The following GALNT1 variants were observed in gnomAD, a reference collection of about 807,000 sequenced individuals.
GALNT1 encodes polypeptide N-acetylgalactosaminyltransferase 1, also known as GalNAc transferase 1.
Under a neutral mutation model 65.7 loss-of-function variants are expected in GALNT1, and 17 were observed. The observed-to-expected ratio is 0.26, with a 90% CI of 0.18 to 0.39. The LOEUF (loss-of-function observed/expected upper bound fraction) is 0.39, where lower values mean the gene tolerates loss of function less well. Among genes scored for constraint, GALNT1 ranks in the 10% least tolerant of loss-of-function variants. The probability of loss-of-function intolerance (pLI) is 1.00; values close to 1 mark genes in which losing one functional copy is unlikely to be tolerated. For missense variants in GALNT1, 460 were observed against 672.8 expected, an observed-to-expected ratio of 0.68 and a Z score of 3.50; for synonymous variants, 210 against 219.7, an observed-to-expected ratio of 0.96 and a Z score of 0.39.
intron 9 of GALNT1, among the ~76,000 whole-genome samples, chr18:35,696,073 G>C (rs2048051249): frequency 6.6e-6 from 1 of 152,184 alleles, no homozygotes; most frequent in South Asian, 2.1e-4. Flanking sequence ...GCAAGTCGCA[G>C]CGTTTACCCT....
chr18:35,684,597 C>T (rs182727665), intron 5 of GALNT1, among the ~76,000 whole-genome samples: 55 of 152,290 alleles, frequency 3.6e-4, no homozygotes, highest in Middle Eastern at 6.8e-3. Context: ...GCTGAAATAG[C>T]AACCACAGTG....
At chr18:35,703,340 A>G (rs2048198867) in intron 10 of GALNT1, among the ~76,000 whole-genome samples, 169 bp from the exon 11 acceptor site, 1 of 152,202 alleles carries the variant, frequency 6.6e-6, no homozygotes, top group African/African-American at 2.4e-5. Context: ...ACATAACATC[A>G]ATGTAAATTA....
intron 1 of GALNT1, among the ~76,000 whole-genome samples, chr18:35,601,363 G>T (rs2143956871): frequency 6.6e-6 from 1 of 152,036 alleles, no homozygotes; most frequent in South Asian, 2.1e-4. Flanking sequence ...CTACCTAAGG[G>T]TTTGTTGATT....
rs190068559 is a variant in GALNT1, at chr18:35,618,240, G to A, written c.-103-36320G>A. The stretch of plus-strand genomic sequence containing the variant: ...TTTACATTAAATGTAGTCTAAACCT[G>A]TAAAATAATCTTGTATTCATTAAAA... On this transcript the variant is annotated intron_variant, in intron 1 of 11. Transcript: ENST00000269195. Among the ~76,000 whole-genome samples the A allele has an allele frequency of 5.3e-5, 8 of 152,102 alleles. No individual in the cohort carries two copies. In the East Asian group the frequency reaches 1.5e-3, roughly 29 times the overall value.
rs1037853133 is a variant in GALNT1 at position 35,692,189 on chromosome 18, A to G, written c.1168A>G (p.Lys390Glu). 2 of 1,606,906 alleles carry G rather than the reference A, an allele frequency of 1.2e-6. No individual in the cohort carries two copies. Among genetic ancestry groups the G allele is most frequent in the Non-Finnish European group, 1.7e-6 (2 of 1,176,980 alleles). ...ATTATTTCTTTCAACAGGTGTTACA[A>G]AGGTAGATTATGGAGATATATCGTC... ...FFYIISPGVT[K>E]VDYGDISSRV... is the part of the protein sequence containing the mutation. Residue 390 changes from lysine (K) to glutamate (E), a missense_variant, in exon 9 of 12, where the codon AAG becomes GAG. Lys to Glu is a moderately conservative substitution (Grantham distance 56). Transcript: ENST00000269195.
At chr18:35,677,852 C>A (rs979016338) in intron 4 of GALNT1, 95 bp downstream of exon 4, 39 of 886,036 alleles carry the variant, frequency 4.4e-5, no homozygotes, top group Non-Finnish European at 5.9e-5. Flanking sequence ...TAATTTTATA[C>A]AAAATTCTAA....
rs762869516 is a variant in GALNT1, at chr18:35,687,199, TCAGA to T, written c.860+16_860+19del. The T allele has an allele frequency of 6.2e-7, 1 of 1,608,474 alleles. No homozygotes were observed. ...CTCTTCCTGTCAGGTAATTAATTTGTCAGACATTTTGCCTAAAGTGTTATTGGCA... is the reference window on the plus strand; with the variant it reads ...CTCTTCCTGTCAGGTAATTAATTTGTCATTTTGCCTAAAGTGTTATTGGCA... On this transcript the variant is annotated intron_variant, in intron 6 of 11. Transcript: ENST00000269195.
intron 2 of GALNT1, among the ~76,000 whole-genome samples, chr18:35,661,561 T>C (rs1040993592): frequency 1.3e-4 from 20 of 151,686 alleles, no homozygotes; most frequent in African/African-American, 4.6e-4. Context: ...GCTTCAAGAG[T>C]TGTCAACTCA....
At chr18:35,662,830 A>G (rs776257002) in intron 2 of GALNT1, among the ~76,000 whole-genome samples, 6 of 152,200 alleles carry the variant, frequency 3.9e-5, no homozygotes, top group Non-Finnish European at 7.3e-5. Context: ...AACGTCTCAA[A>G]AACATAAGGA....
At chr18:35,594,927 C>G (rs72958843) in intron 1 of GALNT1, among the ~76,000 whole-genome samples, 9,382 of 152,092 alleles carry the variant, frequency 0.062, 322 homozygotes, top group South Asian at 0.077. Context: ...CCAATGGGGA[C>G]TATAAGCTTG....
chr18:35,604,308 C>G (rs1384913676), intron 1 of GALNT1, among the ~76,000 whole-genome samples: 1 of 152,140 alleles, frequency 6.6e-6, no homozygotes, highest in Non-Finnish European at 1.5e-5. Flanking sequence ...TTTTCTTTAT[C>G]CAGTCAACTG....
At chr18:35,670,023 C>T (rs1174955121) in intron 3 of GALNT1, among the ~76,000 whole-genome samples, 1 of 152,168 alleles carries the variant, frequency 6.6e-6, no homozygotes. Context: ...GTCACGGTGA[C>T]TCACACCTGT....
At chr18:35,608,756 G>C (rs1159007349) in intron 1 of GALNT1, among the ~76,000 whole-genome samples, 1 of 152,140 alleles carries the variant, frequency 6.6e-6, no homozygotes, top group Admixed American at 6.6e-5. Context: ...CAGTAATAAA[G>C]ATCAACATTC....
chr18:35,646,485 G>C (rs780729924), intron 1 of GALNT1, among the ~76,000 whole-genome samples: 1 of 152,182 alleles, frequency 6.6e-6, no homozygotes, highest in African/African-American at 2.4e-5. Context: ...TTTCATGCCT[G>C]GCAGCATAAT....
intron 4 of GALNT1, among the ~76,000 whole-genome samples, chr18:35,678,963 C>G (rs1369993175): frequency 6.6e-6 from 1 of 152,066 alleles, no homozygotes; most frequent in African/African-American, 2.4e-5. Context: ...TAAATCCTAC[C>G]TTTTAAAGTA....
At chr18:35,640,309 A>G (rs1159682238) in intron 1 of GALNT1, among the ~76,000 whole-genome samples, 1 of 152,224 alleles carries the variant, frequency 6.6e-6, no homozygotes, top group Non-Finnish European at 1.5e-5. Context: ...CAACAAATAA[A>G]AATACAGGTG....
rs1568031862 is a variant in GALNT1 at position 35,683,616 on chromosome 18, G to GT, written c.689+19dup. On this transcript the variant is annotated intron_variant, in intron 5 of 11. Transcript: ENST00000269195. ...CATGACAGGTAATTTTCTGGTGTCT[G>GT]TAAGTTTGCTTTTAGTACATTTGTC... 2 of 1,608,312 alleles carry GT rather than the reference G, an allele frequency of 1.2e-6. No individual in the cohort carries two copies. Among genetic ancestry groups the GT allele is most frequent in the South Asian group, 1.1e-5 (1 of 90,144 alleles).
At chr18:35,584,204 A>C (rs1232105542) in intron 1 of GALNT1, among the ~76,000 whole-genome samples, 1 of 152,190 alleles carries the variant, frequency 6.6e-6, no homozygotes, top group Admixed American at 6.5e-5. Flanking sequence ...CATTCTCATG[A>C]AAGGTCACAA....
chr18:35,689,489 G>A (rs1044718795), intron 7 of GALNT1, among the ~76,000 whole-genome samples, 199 bp downstream of exon 7: 8 of 152,066 alleles, frequency 5.3e-5, no homozygotes, highest in African/African-American at 1.9e-4. Context: ...AGTTACCTTT[G>A]AAGTTCAGCT....
Sources: gnomAD v4.1 joint callset for allele counts (sites outside exome capture counted in the v4.1 genomes callset) on GRCh38, gnomAD v4.1.1 for gene constraint, MANE v1.5 for transcripts, NCBI Gene and HGNC (gene_info 2026-07-23, HGNC 2026-07-21) for gene names.